The following KIAA1217 variants were observed in gnomAD, a reference collection of about 807,000 sequenced individuals.
KIAA1217 encodes sickle tail protein homolog.
A neutral mutation model predicts 163.9 loss-of-function variants in KIAA1217; 88 were observed. The ratio of observed to expected loss-of-function variants is 0.54; its 90% confidence interval spans 0.45 to 0.64. The LOEUF is 0.64. KIAA1217 is among the 30% of genes least tolerant of loss of function. KIAA1217 has a pLI of 0.00. For synonymous variants in KIAA1217, 903 were observed against 923.1 expected, an observed-to-expected ratio of 0.98 and a Z score of 0.39; for missense variants, 2,372 against 2,475.0, an observed-to-expected ratio of 0.96 and a Z score of 0.88.
chr10:24,208,606 T>TG (rs1564830925), upstream of KIAA1217, among the ~76,000 whole-genome samples: 1 of 38,330 alleles, frequency 2.6e-5, no homozygotes, highest in African/African-American at 2.2e-4. Flanking sequence ...TCAAATTGTT[T>TG]GGGATTTTTT....
chr10:23,818,014 C>CACAT lies in KIAA1217; in HGVS notation c.-321+122781_-321+122782insCATA, dbSNP rs1564447988. Among the ~76,000 whole-genome samples, 5 of 107,394 alleles carry CACAT rather than the reference C, an allele frequency of 4.7e-5. No individual in the cohort carries two copies. In the East Asian group the frequency reaches 1.3e-3, roughly 27 times the overall value. 70.5% of individuals were successfully genotyped at this position (107,394 alleles called of 152,430 possible). A position where few individuals can be genotyped will look rare whatever the true frequency, so the allele number is the denominator to read the frequency against. On this transcript the variant is annotated intron_variant, in intron 1 of 18. Coordinates refer to the KIAA1217 transcript ENST00000376462. Reference sequence around the variant, plus strand: ...ATATATATATATATATATATACACACATATATATACACACATATATATACA... The same window carrying CACAT: ...ATATATATATATATATATATACACACACATATATATATACACACATATATATACA...
chr10:24,266,183 A>G (rs1163523223), intron 2 of KIAA1217, among the ~76,000 whole-genome samples: 1 of 151,806 alleles, frequency 6.6e-6, no homozygotes, highest in East Asian at 1.9e-4. Context: ...GGTTCAAGCA[A>G]TTCTCCTGCC....
At chr10:23,898,898 A>C (rs1215939379) in intron 1 of KIAA1217, among the ~76,000 whole-genome samples, 2 of 152,214 alleles carry the variant, frequency 1.3e-5, no homozygotes, top group South Asian at 2.1e-4. Flanking sequence ...ATGTTATATC[A>C]TGTCAGAATT....
chr10:23,773,756 T>G (rs1341441062), intron 1 of KIAA1217, among the ~76,000 whole-genome samples: 1 of 152,164 alleles, frequency 6.6e-6, no homozygotes, highest in Non-Finnish European at 1.5e-5. Context: ...ATGATTTGGC[T>G]CTCTGTCTGT....
At chr10:24,315,987 G>A (rs1469439041) in intron 2 of KIAA1217, among the ~76,000 whole-genome samples, 1 of 151,898 alleles carries the variant, frequency 6.6e-6, no homozygotes, top group Non-Finnish European at 1.5e-5. Context: ...ATTATAAAGG[G>A]TAGTTCCCTG....
chr10:24,173,220 A>T (rs1007552401), intron 2 of KIAA1217, among the ~76,000 whole-genome samples: 4 of 152,160 alleles, frequency 2.6e-5, no homozygotes, highest in African/African-American at 9.7e-5. Flanking sequence ...CATGCCCCTT[A>T]TGAGAATCTA....
At chr10:24,250,447 T>TC (rs200529930) in intron 2 of KIAA1217, among the ~76,000 whole-genome samples, 1 of 150,614 alleles carries the variant, frequency 6.6e-6, no homozygotes, top group African/African-American at 2.4e-5. Context: ...CACTTTTTTT[T>TC]TTTGAAATGG....
intron 2 of KIAA1217, among the ~76,000 whole-genome samples, chr10:24,320,769 C>A (rs2044030645): frequency 2.6e-5 from 4 of 152,286 alleles, no homozygotes; most frequent in Middle Eastern, 6.8e-3. Flanking sequence ...AGAGGCCGGG[C>A]TCAGTGGCTC....
intron 9 of KIAA1217, among the ~76,000 whole-genome samples, chr10:24,502,083 G>A (rs1197512753): frequency 1.3e-5 from 2 of 151,798 alleles, no homozygotes; most frequent in East Asian, 1.9e-4. Flanking sequence ...GTACTTTTAC[G>A]CAGGAAGAGA....
rs1000772367 is a variant in KIAA1217 at position 23,846,813 on chromosome 10, G to A, written c.-321+151579G>A. Among the ~76,000 whole-genome samples the A allele has an allele frequency of 2.4e-4, 37 of 152,002 alleles. 1 individual carries two copies. Among genetic ancestry groups the A allele is most frequent in the South Asian group, 1.5e-3 (7 of 4,814 alleles). On this transcript the variant is annotated intron_variant, in intron 1 of 18. Transcript: ENST00000376462. Reference sequence around the variant, plus strand: ...AGAGAGGTCATCCTTGTCTTGTGCCGGTTTTCAAAGGGAATGCTTCCGGTT... The same window carrying A: ...AGAGAGGTCATCCTTGTCTTGTGCCAGTTTTCAAAGGGAATGCTTCCGGTT...
chr10:24,257,102 A>C (rs751532912), intron 2 of KIAA1217, among the ~76,000 whole-genome samples: 14 of 152,192 alleles, frequency 9.2e-5, no homozygotes, highest in Admixed American at 6.5e-5. Flanking sequence ...ACCCATGGCC[A>C]TGGTACTGGT....
At chr10:23,831,166 TAA>T (rs1399711384) in intron 1 of KIAA1217, among the ~76,000 whole-genome samples, 1 of 151,660 alleles carries the variant, frequency 6.6e-6, no homozygotes, top group African/African-American at 2.4e-5. Context: ...CAAAATGAAT[TAA>T]AGAGTTCAAA....
At chr10:23,965,176 CAT>C (rs756958191) in intron 1 of KIAA1217, among the ~76,000 whole-genome samples, 1 of 152,198 alleles carries the variant, frequency 6.6e-6, no homozygotes, top group Non-Finnish European at 1.5e-5. Flanking sequence ...AACACACACA[CAT>C]GTATAATTTT....
At chr10:24,464,392 T>G (rs1324061943) in intron 5 of KIAA1217, among the ~76,000 whole-genome samples, 1 of 152,102 alleles carries the variant, frequency 6.6e-6, no homozygotes, top group African/African-American at 2.4e-5. Flanking sequence ...CTAGACTTCT[T>G]CTCGCATTGA....
At chr10:23,902,797 A>G (rs1275752114) in intron 1 of KIAA1217, among the ~76,000 whole-genome samples, 1 of 152,144 alleles carries the variant, frequency 6.6e-6, no homozygotes, top group Non-Finnish European at 1.5e-5. Context: ...GAACTGCCCC[A>G]TTGATTTGAC....
chr10:24,281,862 C>A (rs2077970410), intron 2 of KIAA1217, among the ~76,000 whole-genome samples: 1 of 152,092 alleles, frequency 6.6e-6, no homozygotes, highest in Non-Finnish European at 1.5e-5. Context: ...TCGAGACCAG[C>A]ATGGCTAACA....
intron 6 of KIAA1217, among the ~76,000 whole-genome samples, chr10:24,483,994 A>C (rs921882086): frequency 6.6e-6 from 1 of 151,892 alleles, no homozygotes; most frequent in African/African-American, 2.4e-5. Context: ...TGGATCCGAG[A>C]AAGCCTGCAA....
intron 1 of KIAA1217, among the ~76,000 whole-genome samples, chr10:23,758,748 G>A (rs886937345): frequency 2.8e-5 from 4 of 142,020 alleles, no homozygotes; most frequent in Admixed American, 7.3e-5. Context: ...GTGTAATGGC[G>A]TGATCTTGGC....
chr10:23,976,151 G>C (rs12767893), intron 1 of KIAA1217, among the ~76,000 whole-genome samples: 1,621 of 152,190 alleles, frequency 0.011, 20 homozygotes, highest in Non-Finnish European at 0.016. Context: ...ATAGAACCCC[G>C]CAGATCAGTG....
Sources: gnomAD v4.1 joint callset for allele counts (sites outside exome capture counted in the v4.1 genomes callset) on GRCh38, gnomAD v4.1.1 for gene constraint, MANE v1.5 for transcripts, NCBI Gene and HGNC (gene_info 2026-07-23, HGNC 2026-07-21) for gene names.